Variants in ADCK2 observed in about 807,000 individuals in gnomAD.
The protein encoded by ADCK2 is uncharacterized aarF domain-containing protein kinase 2.
In ADCK2, 37 loss-of-function variants were observed where a neutral mutation model predicts 52.3. The observed-to-expected ratio is 0.71, with a 90% CI of 0.54 to 0.93. The LOEUF is 0.93. Among genes scored for constraint, ADCK2 ranks in the 40% least tolerant of loss-of-function variants. The probability of loss-of-function intolerance (pLI) is 0.00; values close to 1 mark genes in which losing one functional copy is unlikely to be tolerated. For synonymous variants in ADCK2, 321 were observed against 349.2 expected (o/e 0.92, Z 0.90); for missense variants, 695 against 798.7 (o/e 0.87, Z 1.56).
At chr7:140,675,457 T>C (rs1366776885) in intron 2 of ADCK2, among the ~76,000 whole-genome samples, 1 of 152,224 alleles carries the variant, frequency 6.6e-6, no homozygotes, top group Admixed American at 6.5e-5. Context: ...GAGGGAGCTC[T>C]ACTCCCTAGT....
At chr7:140,690,082 T>C (rs1794677900) in intron 6 of ADCK2, among the ~76,000 whole-genome samples, 1 of 152,204 alleles carries the variant, frequency 6.6e-6, no homozygotes. Flanking sequence ...TTGTATTTTA[T>C]ACACAGTTCT....
chr7:140,686,957 G>A (rs746120985), intron 4 of ADCK2, 33 bp from the exon 5 acceptor site: 11 of 1,601,274 alleles, frequency 6.9e-6, no homozygotes, highest in East Asian at 4.5e-5. Flanking sequence ...CTCTAGGGGC[G>A]ACTCACTCAT....
At chr7:140,677,860 C>T (rs554772357) in intron 2 of ADCK2, among the ~76,000 whole-genome samples, 8 of 152,138 alleles carry the variant, frequency 5.3e-5, no homozygotes, top group African/African-American at 1.9e-4. Context: ...CATTCCAATT[C>T]GAGGCAGTAA....
Position 140,673,592 on chromosome 7 carries a change from G to A in ADCK2, c.262G>A (p.Gly88Arg). ...AGPAESLPRAGPLGGVFLHLR... is the reference protein window; with the variant it reads ...AGPAESLPRARPLGGVFLHLR... ...GCCCGCGGAGAGCCTCCCCCGAGCG[G>A]GACCTCTGGGCGGCGTCTTCCTGCA... Residue 88 changes from glycine (G) to arginine (R), a missense_variant, in exon 1 of 8, where the codon GGA (glycine) becomes AGA (arginine). Transcript: ENST00000072869. The surrounding 1 kb of genome is among the most constrained non-coding windows in gnomAD (Gnocchi z 6.4). 6.2e-7 allele frequency: 1 copy of A among 1,606,522 alleles called. No homozygotes were observed. The highest frequency in any genetic ancestry group is 8.5e-7 in the Non-Finnish European group (1 of 1,179,550).
Position 140,674,564 on chromosome 7 carries a change from A to T in ADCK2, c.934-47A>T, listed in dbSNP as rs779949057. ...TGGGACCCAGCCCTGGCTGGGTAAA[A>T]TGTGTCCAGCAGGTTTCTCCTGTCT... On this transcript the variant is annotated intron_variant, in intron 1 of 7. Transcript: ENST00000072869. The surrounding 1 kb of genome is among the most constrained non-coding windows in gnomAD (Gnocchi z 4.6). 1 of 1,582,406 alleles carries T rather than the reference A, an allele frequency of 6.3e-7. No individual in the cohort carries two copies. The highest frequency in any genetic ancestry group is 8.6e-7 in the Non-Finnish European group (1 of 1,160,686).
At position 140,673,553 on chromosome 7, in the gene ADCK2, G is replaced by A; in HGVS notation, c.223G>A (p.Ala75Thr). The change falls in exon 1 of 8, where the codon GCG becomes ACG. Residue 75 changes from alanine to threonine, a missense_variant. By Grantham distance (58) the Ala-to-Thr change is moderately conservative. Transcript: ENST00000072869. The surrounding 1 kb of genome is among the most constrained non-coding windows in gnomAD (Gnocchi z 6.4). ...TCGGCGAAGGGTCCGCTGCAGCGGG[G>A]CGGCTGGCGCGGGGCCCGCGGAGAG... ...LSRRRVRCSG[A>T]AGAGPAESLP... 1.2e-6 allele frequency: 2 copies of A among 1,600,576 alleles called. No individual in the cohort carries two copies. The highest frequency in any genetic ancestry group is 2.2e-5 in the South Asian group (2 of 90,460).
Position 140,673,108 on chromosome 7 carries a change from A to G in ADCK2, c.-223A>G, listed in dbSNP as rs553887467. 2.1e-3 allele frequency: 594 copies of G among 283,936 alleles called. 6 individuals carry two copies. The highest frequency in any genetic ancestry group is 0.013 in the African/African-American group (551 of 42,400). 17.6% of individuals were successfully genotyped at this position (283,936 alleles called of 1,614,324 possible). A position where few individuals can be genotyped will look rare whatever the true frequency, so the allele number is the denominator to read the frequency against. ...CGTTCCGCAGTTGGTGCCGTCTGAC[A>G]GCCCCTTCCGCGCGGCGCGGCGCGG... is the stretch of plus-strand genomic sequence containing the variant. On this transcript the variant is annotated 5_prime_UTR_variant, in exon 1 of 8. Transcript: ENST00000072869. This position sits in a 1 kb window ranked among gnomAD's most constrained non-coding sequence, Gnocchi z 6.4.
Position 140,673,505 on chromosome 7 carries a change from G to T in ADCK2, c.175G>T (p.Glu59Ter). ...CGTCTCCCTGTGCGGGGACGTGGGT[G>T]AGGGGGCCCCTGACGTTCTGAGTCG... ...KVVSLCGDVG[E>*]GAPDVLSRRR... The change falls in exon 1 of 8, where the codon GAG becomes TAG. Residue 59 changes from glutamate (E) to a stop codon, truncating the protein, a stop_gained. Transcript: ENST00000072869. LOFTEE classifies it high-confidence loss of function. The surrounding 1 kb of genome is among the most constrained non-coding windows in gnomAD (Gnocchi z 6.4). 1 of 1,602,686 alleles carries T rather than the reference G, an allele frequency of 6.2e-7. No individual in the cohort carries two copies.
chr7:140,689,941 T>G (rs1794676148), intron 6 of ADCK2, among the ~76,000 whole-genome samples: 1 of 152,136 alleles, frequency 6.6e-6, no homozygotes, highest in African/African-American at 2.4e-5. Flanking sequence ...CTGCAGCTCC[T>G]TCCTCATCCA....
Position 140,689,479 on chromosome 7 carries a change from C to CA in ADCK2, c.1558-114dup, listed in dbSNP as rs1357623523. On this transcript the variant is annotated intron_variant, in intron 5 of 7. Transcript: ENST00000072869. ...AGGTCACAGCCCGAGGAGGAAGAGC[C>CA]AAAAGCAAGATGCCAGAAAAGTCAG... 4 of 1,318,702 alleles carry CA rather than the reference C, an allele frequency of 3.0e-6. No individual in the cohort carries two copies. The Admixed American group carries it at 6.9e-5, about 23-fold the overall frequency. The allele number at this position is 1,318,702 out of a possible 1,614,324, so 81.7% of individuals were successfully genotyped here.
intron 6 of ADCK2, among the ~76,000 whole-genome samples, chr7:140,690,450 G>A (rs1022128872): frequency 2.0e-5 from 3 of 151,540 alleles, no homozygotes; most frequent in Non-Finnish European, 4.4e-5. Flanking sequence ...TGATCCGCCC[G>A]CCTTGGCCTC....
At chr7:140,691,914 C>G (rs1486424210) in intron 7 of ADCK2, among the ~76,000 whole-genome samples, 1 of 152,208 alleles carries the variant, frequency 6.6e-6, no homozygotes. Flanking sequence ...CACACAGTTT[C>G]CAGCACGGTG....
intron 4 of ADCK2, among the ~76,000 whole-genome samples, chr7:140,685,594 C>T (rs1261392478): frequency 6.6e-6 from 1 of 152,194 alleles, no homozygotes; most frequent in Non-Finnish European, 1.5e-5. Flanking sequence ...AGGATTTTCA[C>T]ACCGGTAGCA....
intron 3 of ADCK2, among the ~76,000 whole-genome samples, chr7:140,680,198 TA>T (rs1394760636): frequency 6.6e-6 from 1 of 151,986 alleles, no homozygotes; most frequent in Admixed American, 6.6e-5. Context: ...CAGGCTGTGG[TA>T]CAGTGGCATG....
chr7:140,683,236 G>C (rs1054491851), intron 4 of ADCK2, among the ~76,000 whole-genome samples: 2 of 152,082 alleles, frequency 1.3e-5, no homozygotes, highest in Non-Finnish European at 2.9e-5. Context: ...AGTGAGCCGA[G>C]ATCACAGCAC....
intron 4 of ADCK2, among the ~76,000 whole-genome samples, chr7:140,686,763 A>G (rs1252148805): frequency 6.6e-6 from 1 of 152,164 alleles, no homozygotes; most frequent in African/African-American, 2.4e-5. Flanking sequence ...AATCTTTTAA[A>G]AATGCTTTTT....
In ADCK2 at chr7:140,687,259, C is replaced by T; in HGVS notation, c.1557+18C>T. 1 of 1,535,282 alleles carries T rather than the reference C, an allele frequency of 6.5e-7. No homozygotes were observed. The highest frequency in any genetic ancestry group is 8.8e-7 in the Non-Finnish European group (1 of 1,134,534). On this transcript the variant is annotated intron_variant, in intron 5 of 7. Transcript: ENST00000072869. ...TGGGGCAGGTGAGACGCACTGGGAC[C>T]ACAGAAGTTGGGGTGAATTTTTTTT...
chr7:140,676,394 G>A (rs1794416483), intron 2 of ADCK2, among the ~76,000 whole-genome samples: 2 of 152,314 alleles, frequency 1.3e-5, no homozygotes, highest in Middle Eastern at 3.4e-3. Flanking sequence ...TAGCTACAGA[G>A]CAATGTAATT....
intron 7 of ADCK2, among the ~76,000 whole-genome samples, chr7:140,692,514 T>C (rs775862185): frequency 2.6e-5 from 4 of 152,224 alleles, no homozygotes; most frequent in Non-Finnish European, 4.4e-5. Flanking sequence ...AGTGCCACCA[T>C]GCCCAGCTAA....
Sources: gnomAD v4.1 joint callset for allele counts (sites outside exome capture counted in the v4.1 genomes callset) on GRCh38, gnomAD v4.1.1 for gene constraint, Gnocchi (gnomAD v3.1) non-coding constraint, MANE v1.5 for transcripts, NCBI Gene and HGNC (gene_info 2026-07-23, HGNC 2026-07-21) for gene names.